Variants in TAFA1 observed in about 807,000 individuals in gnomAD.
TAFA1 encodes TAFA chemokine like family member 1.
A neutral mutation model predicts 18.5 loss-of-function variants in TAFA1; 4 were observed. The ratio of observed to expected loss-of-function variants is 0.22; its 90% CI spans 0.11 to 0.49. TAFA1 has a LOEUF of 0.49. Ranked by LOEUF, TAFA1 falls within the 20% of genes least tolerant of loss-of-function variation. The pLI is 0.98. For synonymous variants in TAFA1, 56 were observed against 55.2 expected (o/e 1.01, Z -0.06); for missense variants, 147 against 169.0 (o/e 0.87, Z 0.72).
intron 2 of TAFA1, among the ~76,000 whole-genome samples, chr3:68,168,936 A>G (rs924316727): frequency 6.6e-6 from 1 of 152,168 alleles, no homozygotes; most frequent in African/African-American, 2.4e-5. Context: ...TCAGCTATCT[A>G]TAGTAGTATT....
chr3:68,274,688 TG>T (rs557802762), intron 2 of TAFA1, among the ~76,000 whole-genome samples: 88 of 152,286 alleles, frequency 5.8e-4, no homozygotes, highest in African/African-American at 2.0e-3. Flanking sequence ...TGAGGATTTT[TG>T]GTGTTTGTTC....
chr3:68,167,004 TTAAGGTTTA>T (rs2065990044), intron 2 of TAFA1, among the ~76,000 whole-genome samples: 1 of 152,078 alleles, frequency 6.6e-6, no homozygotes, highest in Non-Finnish European at 1.5e-5. Flanking sequence ...GGTGGAGGCT[TTAAGGTTTA>T]TAAAGGTTTT....
intron 2 of TAFA1, among the ~76,000 whole-genome samples, chr3:68,133,872 C>T (rs2106887264): frequency 6.6e-6 from 1 of 151,810 alleles, no homozygotes; most frequent in East Asian, 1.9e-4. Flanking sequence ...ACATAATATC[C>T]ATATGAGAAA....
chr3:68,325,489 A>G (rs1335502998), intron 2 of TAFA1, among the ~76,000 whole-genome samples: 6 of 152,178 alleles, frequency 3.9e-5, no homozygotes, highest in Non-Finnish European at 7.4e-5. Context: ...CATGAGATAA[A>G]TGCTCAGTGC....
intron 2 of TAFA1, among the ~76,000 whole-genome samples, chr3:68,415,773 A>C (rs747524475): frequency 3.9e-5 from 6 of 152,064 alleles, no homozygotes; most frequent in Non-Finnish European, 2.9e-5. Context: ...AGGTGTTATT[A>C]TTATTCCCAT....
At chr3:68,176,593 A>G (rs1402863460) in intron 2 of TAFA1, among the ~76,000 whole-genome samples, 2 of 152,232 alleles carry the variant, frequency 1.3e-5, no homozygotes. Flanking sequence ...AAGTGCTATT[A>G]CCATTTTGAT....
chr3:68,407,834 C>T (rs1221159975), intron 2 of TAFA1, among the ~76,000 whole-genome samples: 2 of 152,074 alleles, frequency 1.3e-5, no homozygotes, highest in African/African-American at 2.4e-5. Flanking sequence ...TACCCGAGGA[C>T]GCTGGGAGAG....
intron 2 of TAFA1, among the ~76,000 whole-genome samples, chr3:68,010,087 G>T (rs1481284412): frequency 6.6e-6 from 1 of 152,130 alleles, no homozygotes; most frequent in Non-Finnish European, 1.5e-5. Flanking sequence ...GCAAGAGCAG[G>T]CAGACTCCGC....
intron 2 of TAFA1, chr3:68,145,047 A>C: frequency 4.4e-6 from 7 of 1,608,712 alleles, no homozygotes; most frequent in Non-Finnish European, 6.0e-6. Flanking sequence ...AGTTTCAAAA[A>C]GTTGCTGGAT....
chr3:68,426,588 A>G (rs989283327), intron 3 of TAFA1, among the ~76,000 whole-genome samples: 25 of 152,036 alleles, frequency 1.6e-4, no homozygotes, highest in African/African-American at 5.8e-4. Context: ...ATAGGCAGAG[A>G]TGAAAAGTTT....
intron 2 of TAFA1, among the ~76,000 whole-genome samples, chr3:68,382,690 G>T (rs566414221): frequency 6.6e-6 from 1 of 151,660 alleles, no homozygotes; most frequent in Non-Finnish European, 1.5e-5. Flanking sequence ...GCCTTTTTGA[G>T]CTTTTTTATG....
chr3:68,286,532 A>G (rs2107267349), intron 2 of TAFA1, among the ~76,000 whole-genome samples: 1 of 152,322 alleles, frequency 6.6e-6, no homozygotes, highest in African/African-American at 2.4e-5. Flanking sequence ...CAAAGGAACT[A>G]GAGACCCCGG....
At chr3:68,434,168 C>T (rs1481606279) in intron 3 of TAFA1, among the ~76,000 whole-genome samples, 4 of 152,170 alleles carry the variant, frequency 2.6e-5, no homozygotes, top group African/African-American at 4.8e-5. Context: ...GCATTTGTAT[C>T]GTCTGAAATC....
chr3:68,449,266 C>G (rs2071528506), intron 3 of TAFA1, among the ~76,000 whole-genome samples: 1 of 152,134 alleles, frequency 6.6e-6, no homozygotes, highest in East Asian at 1.9e-4. Context: ...GGAACAGCAT[C>G]ATACAGAGCA....
intron 2 of TAFA1, among the ~76,000 whole-genome samples, chr3:68,363,984 T>C (rs2069521548): frequency 6.6e-6 from 1 of 152,218 alleles, no homozygotes; most frequent in Non-Finnish European, 1.5e-5. Flanking sequence ...CTGATGGATT[T>C]GGTGGCTTGA....
At chr3:68,414,668 G>A (rs969362695) in intron 2 of TAFA1, among the ~76,000 whole-genome samples, 1 of 152,152 alleles carries the variant, frequency 6.6e-6, no homozygotes, top group Non-Finnish European at 1.5e-5. Context: ...GAGTAGCAGA[G>A]AACCATTCCT....
chr3:68,109,545 T>C (rs141261148), intron 2 of TAFA1, among the ~76,000 whole-genome samples: 18 of 152,142 alleles, frequency 1.2e-4, no homozygotes, highest in African/African-American at 4.3e-4. Context: ...CACAAGAGCA[T>C]TGGTAAAGGA....
intron 2 of TAFA1, among the ~76,000 whole-genome samples, chr3:68,210,005 A>G (rs567908519): frequency 2.6e-5 from 4 of 152,088 alleles, no homozygotes; most frequent in East Asian, 3.9e-4. Context: ...GCCAAACTCC[A>G]TCACAATTTT....
At chr3:68,266,511 C>T (rs1485363808) in intron 2 of TAFA1, among the ~76,000 whole-genome samples, 1 of 152,132 alleles carries the variant, frequency 6.6e-6, no homozygotes, top group African/African-American at 2.4e-5. Flanking sequence ...TTTTCACAAA[C>T]AGAAACTCGT....
Sources: gnomAD v4.1 joint callset for allele counts (sites outside exome capture counted in the v4.1 genomes callset) on GRCh38, gnomAD v4.1.1 for gene constraint, MANE v1.5 for transcripts, NCBI Gene and HGNC (gene_info 2026-07-23, HGNC 2026-07-21) for gene names.